The following NLGN4X variants were observed in gnomAD, a reference collection of about 807,000 sequenced individuals.
The protein encoded by NLGN4X is neuroligin 4 X-linked, also known as neuroligin-4, X-linked.
A neutral mutation model predicts 40.3 loss-of-function variants in NLGN4X; 3 were observed. The observed-to-expected ratio is 0.07, with a 90% CI of 0.03 to 0.19. NLGN4X has a LOEUF of 0.19. Ranked by LOEUF, NLGN4X falls within the 10% of genes least tolerant of loss-of-function variation. The probability of loss-of-function intolerance (pLI) is 1.00; values close to 1 mark genes in which losing one functional copy is unlikely to be tolerated. For synonymous variants in NLGN4X, 270 were observed against 306.8 expected (o/e 0.88, Z 1.25); for missense variants, 382 against 708.3 (o/e 0.54, Z 5.23).
intron 2 of NLGN4X, among the ~76,000 whole-genome samples, chrX:6,102,673 TAG>T (rs1569238945): frequency 1.2e-4 from 13 of 110,885 alleles, no homozygotes; most frequent in African/African-American, 3.9e-4. Flanking sequence ...CATACATACA[TAG>T]ACAGATAGAT....
chrX:5,921,448 CAGAG>C (rs1266708105), intron 3 of NLGN4X, among the ~76,000 whole-genome samples: 1 of 47,058 alleles, frequency 2.1e-5, no homozygotes, highest in African/African-American at 7.9e-5. Context: ...GAGACAGAGA[CAGAG>C]AGAGAGAGAG....
chrX:6,017,592 G>A (rs1213014092), intron 3 of NLGN4X, among the ~76,000 whole-genome samples: 3 of 111,742 alleles, frequency 2.7e-5, no homozygotes, highest in African/African-American at 9.8e-5. Flanking sequence ...TTATTACACA[G>A]ACATTCCCGG....
At chrX:6,057,250 C>A (rs760020675) in intron 2 of NLGN4X, among the ~76,000 whole-genome samples, 1 of 111,733 alleles carries the variant, frequency 8.9e-6, no homozygotes, top group Non-Finnish European at 1.9e-5. Context: ...AGTGTTTTGG[C>A]AGCTTTGAGA....
chrX:6,004,653 A>G lies in NLGN4X; in HGVS notation c.625+24627T>C, dbSNP rs781377911. On this transcript the variant is annotated intron_variant, in intron 3 of 5. Coordinates refer to ENST00000381095, the MANE Select transcript of NLGN4X (RefSeq NM_181332.3). ...TTCTTCTATCACTAAACATTAAGTG[A>G]TGCCAATTTGTTATTTTCTTCTTGG... Among the ~76,000 whole-genome samples, 5 of 112,131 alleles carry G rather than the reference A, an allele frequency of 4.5e-5. No homozygotes were observed. In the South Asian group the frequency reaches 1.9e-3, roughly 42 times the overall value.
chrX:6,124,756 G>A (rs1198640647), intron 2 of NLGN4X, among the ~76,000 whole-genome samples: 9 of 111,709 alleles, frequency 8.1e-5, no homozygotes, highest in South Asian at 3.7e-4. Context: ...GGGTATCTAT[G>A]GAAACCTATG....
intron 3 of NLGN4X, among the ~76,000 whole-genome samples, chrX:5,932,446 T>A (rs1007799167): frequency 9.0e-6 from 1 of 110,625 alleles, no homozygotes; most frequent in Non-Finnish European, 1.9e-5. Context: ...AAACGCTCTC[T>A]CTCAACAGAA....
At chrX:6,156,890 A>C (rs1254266361) in intron 1 of NLGN4X, among the ~76,000 whole-genome samples, 2 of 110,692 alleles carry the variant, frequency 1.8e-5, no homozygotes, top group Non-Finnish European at 3.8e-5. Flanking sequence ...TTGTCAAATA[A>C]AGATTGAATA....
At chrX:6,042,730 T>TATATATATATACAC (rs1215396694) in intron 2 of NLGN4X, among the ~76,000 whole-genome samples, 2 of 20,168 alleles carry the variant, frequency 9.9e-5, no homozygotes, top group African/African-American at 1.6e-4. Context: ...TATATATATA[T>TATATATATATACAC]ACACACACAC....
chrX:5,923,617 T>C (rs1251699640), intron 3 of NLGN4X, among the ~76,000 whole-genome samples: 1 of 111,833 alleles, frequency 8.9e-6, no homozygotes, highest in Non-Finnish European at 1.9e-5. Context: ...GAAACTCCCC[T>C]TTTTAAAACC....
intron 1 of NLGN4X, among the ~76,000 whole-genome samples, chrX:6,192,285 G>A (rs12851723): frequency 0.37 from 40,843 of 109,119 alleles, 5,844 homozygotes; most frequent in Non-Finnish European, 0.45. Context: ...GCATCACCAT[G>A]TCTGGCTAAT....
chrX:6,197,443 G>GTTTTTTTTTTTT (rs1602407338), intron 1 of NLGN4X, among the ~76,000 whole-genome samples: 1 of 82,595 alleles, frequency 1.2e-5, no homozygotes, highest in Non-Finnish European at 2.4e-5. Context: ...TTTTTTTTTT[G>GTTTTTTTTTTTT]TATTTTTTAT....
intron 2 of NLGN4X, among the ~76,000 whole-genome samples, chrX:6,128,816 T>A (rs1303084012): frequency 8.9e-6 from 1 of 112,256 alleles, no homozygotes; most frequent in East Asian, 2.8e-4. Flanking sequence ...AAAATGAAAG[T>A]TGAATATTTT....
At chrX:5,894,111 G>A (rs1004650307) in intron 5 of NLGN4X, among the ~76,000 whole-genome samples, 2 of 111,814 alleles carry the variant, frequency 1.8e-5, no homozygotes, top group Non-Finnish European at 3.8e-5. Context: ...TTCCGTAGAC[G>A]AAGGGTTGTT....
Position 5,980,387 on chromosome X carries a change from G to A in NLGN4X, c.625+48893C>T, listed in dbSNP as rs72627600. On this transcript the variant is annotated intron_variant, in intron 3 of 5. Transcript: ENST00000381095. ...AAGCATTTTTTTAAGTTTTGATGTA[G>A]TCCAATGTATTAATTGGTTCCTTTA... Among the ~76,000 whole-genome samples the A allele has an allele frequency of 5.5e-4, 60 of 108,700 alleles. No homozygotes were observed. In the East Asian group the frequency reaches 0.017, roughly 30 times the overall value. The allele number at this position is 108,700 out of a possible 115,157, so 94.4% of individuals were successfully genotyped here.
chrX:5,936,952 G>A (rs2033751838), intron 3 of NLGN4X, among the ~76,000 whole-genome samples: 1 of 111,583 alleles, frequency 9.0e-6, no homozygotes, highest in African/African-American at 3.3e-5. Context: ...TCAGCAAAAG[G>A]GCGAGATGTT....
intron 1 of NLGN4X, among the ~76,000 whole-genome samples, chrX:6,194,349 A>C (rs188753602): frequency 1.5e-3 from 165 of 111,649 alleles, no homozygotes; most frequent in African/African-American, 4.9e-3. Flanking sequence ...TCTCACCCGG[A>C]ATGCTCTCTT....
chrX:5,925,879 CACATATATATATATATATATAT>C (rs1199483299), intron 3 of NLGN4X, among the ~76,000 whole-genome samples: 820 of 46,778 alleles, frequency 0.018, 55 homozygotes, highest in African/African-American at 0.051. Context: ...TATACATACA[CACATATATATATATATATATAT>C]ATATATATAT....
At chrX:6,107,826 T>C (rs1253803555) in intron 2 of NLGN4X, among the ~76,000 whole-genome samples, 1 of 112,225 alleles carries the variant, frequency 8.9e-6, no homozygotes, top group Non-Finnish European at 1.9e-5. Context: ...TTTTGAGTTA[T>C]TTCACCTAGG....
At chrX:6,098,464 T>C (rs2038832466) in intron 2 of NLGN4X, among the ~76,000 whole-genome samples, 1 of 111,587 alleles carries the variant, frequency 9.0e-6, no homozygotes, top group Admixed American at 9.5e-5. Context: ...TTAGTTGCCT[T>C]TGTGTCTCCA....
Sources: allele counts gnomAD v4.1 joint callset (sites outside exome capture counted in the v4.1 genomes callset), GRCh38; gene constraint gnomAD v4.1.1; transcripts MANE v1.5; gene names NCBI Gene and HGNC (gene_info 2026-07-23, HGNC 2026-07-21).